CRELD1: variants seen among roughly 807,000 people sequenced by gnomAD.
CRELD1 encodes CRELD disulfide isomerase 1.
A neutral mutation model predicts 58.2 loss-of-function variants in CRELD1; 42 were observed. That is an observed-to-expected ratio of 0.72 (90% CI 0.56 to 0.93). The LOEUF (loss-of-function observed/expected upper bound fraction) is 0.93. Among genes scored for constraint, CRELD1 ranks in the 40% least tolerant of loss-of-function variants. CRELD1 has a pLI of 0.00. For synonymous variants in CRELD1, 222 were observed against 202.0 expected (o/e 1.10, Z -0.84); for missense variants, 500 against 540.6 (o/e 0.92, Z 0.74).
At chr3:9,940,744 G>T in intron 5 of CRELD1, 106 bp from the exon 6 acceptor site, 1 of 689,804 alleles carries the variant, frequency 1.4e-6, no homozygotes, top group African/African-American at 3.5e-5. Flanking sequence ...GAGGGGAGGG[G>T]GGGAGGGAGG....
At chr3:9,938,478 G>T in intron 5 of CRELD1, 1 of 233,190 alleles carries the variant, frequency 4.3e-6, no homozygotes, top group Non-Finnish European at 8.6e-6. Flanking sequence ...CACAAGAGCT[G>T]AACTTACTAC....
Position 9,940,990 on chromosome 3 carries a change from G to A in CRELD1, c.601G>A (p.Glu201Lys). ...ACGQCGLGYFEAERNASHLVC... is the reference protein window; with the variant it reads ...ACGQCGLGYFKAERNASHLVC... ...TGGCCAGTGTGGCCTTGGCTACTTTGAGGCAGAACGCAACGCCAGCCATCT... is the reference window on the plus strand; with the variant it reads ...TGGCCAGTGTGGCCTTGGCTACTTTAAGGCAGAACGCAACGCCAGCCATCT... The change falls in exon 6 of 11, where the codon GAG becomes AAG. Residue 201 changes from glutamate (E) to lysine (K), a missense_variant. Coordinates refer to ENST00000452070, the MANE Select transcript of CRELD1 (RefSeq NM_001077415.3). 6.2e-7 allele frequency: 1 copy of A among 1,614,156 alleles called. No homozygotes were observed. The highest frequency in any genetic ancestry group is 8.5e-7 in the Non-Finnish European group (1 of 1,180,028).
chr3:9,937,243 C>T (rs2085220694), intron 3 of CRELD1, among the ~76,000 whole-genome samples: 1 of 152,166 alleles, frequency 6.6e-6, no homozygotes, highest in South Asian at 2.1e-4. Flanking sequence ...CCATATCTAC[C>T]CAGCAAGGGT....
Position 9,944,575 on chromosome 3 carries a change from G to C in CRELD1, c.1259G>C (p.Arg420Thr). The part of the protein sequence containing the change: ...DRVLEGFIKG[R>T] ...GTGCTGGAGGGCTTCATCAAGGGCA[G>C]ATAATCGCGGCCACCACCTGTAGGA... Residue 420 changes from arginine to threonine, a missense_variant, in exon 11 of 11, where the codon AGA (arginine) becomes ACA (threonine). Transcript: ENST00000452070. 1 of 1,602,392 alleles carries C rather than the reference G, an allele frequency of 6.2e-7. No homozygotes were observed. Among genetic ancestry groups the C allele is most frequent in the South Asian group, 1.1e-5 (1 of 90,684 alleles).
chr3:9,942,076 C>G (rs1178820851), intron 7 of CRELD1, among the ~76,000 whole-genome samples: 1 of 151,954 alleles, frequency 6.6e-6, no homozygotes, highest in Non-Finnish European at 1.5e-5. Context: ...TCGAGACCAG[C>G]CTGGCCAACA....
rs769234290 is a variant in CRELD1 at position 9,943,466 on chromosome 3, C to T, written c.999C>T (p.Ala333=). 6.2e-6 allele frequency: 10 copies of T among 1,613,832 alleles called. No individual in the cohort carries two copies. Among genetic ancestry groups the T allele is most frequent in the South Asian group, 4.4e-5 (4 of 91,082 alleles). The change falls in exon 10 of 11, where the codon GCC becomes GCT. Residue 333 remains alanine (A), a synonymous_variant. Transcript: ENST00000452070. The part of the protein sequence containing the change: ...NTEGGYRCIC[A]EGYKQMEGIC... Reference sequence around the variant, plus strand: ...AGGGCGGTTATCGCTGCATCTGTGCCGAGGGCTACAAGCAGATGGAAGGCA... The same window carrying T: ...AGGGCGGTTATCGCTGCATCTGTGCTGAGGGCTACAAGCAGATGGAAGGCA...
chr3:9,944,224 G>A (rs1575654282), intron 10 of CRELD1, 141 bp from the exon 11 acceptor site: 1 of 844,238 alleles, frequency 1.2e-6, no homozygotes, highest in Non-Finnish European at 2.1e-6. Context: ...GGGTGGTTTT[G>A]AGCAGTAAAT....
chr3:9,934,729 C>G, intron 2 of CRELD1, 106 bp from the exon 3 acceptor site: 1 of 1,499,054 alleles, frequency 6.7e-7, no homozygotes, highest in Non-Finnish European at 9.2e-7. Context: ...TTGTATGGCC[C>G]TAGGCAGGTT....
At position 9,944,096 on chromosome 3, in the gene CRELD1, G is replaced by A. The variant is rs768335165; in HGVS notation, c.1049-269G>A. The A allele has an allele frequency of 2.5e-5, 20 of 791,764 alleles. No individual in the cohort carries two copies. Among genetic ancestry groups the A allele is most frequent in the South Asian group, 6.7e-5 (5 of 74,832 alleles). 49.0% of individuals were successfully genotyped at this position (791,764 alleles called of 1,614,324 possible). A position where few individuals can be genotyped will look rare whatever the true frequency, so the allele number is the denominator to read the frequency against. On this transcript the variant is annotated intron_variant, in intron 10 of 10. Transcript: ENST00000452070. ...TGACCGTGGAACGAGACTCATACAC[G>A]TAATAAATGCTCTGCCCCCAACTTG... is the stretch of plus-strand genomic sequence containing the variant.
intron 10 of CRELD1, chr3:9,944,123 C>A: frequency 1.3e-6 from 1 of 788,510 alleles, no homozygotes; most frequent in Non-Finnish European, 2.3e-6. Context: ...CCCAACTTGT[C>A]CACCACATGG....
In CRELD1 at chr3:9,941,182, G is replaced by A; in HGVS notation, c.709G>A (p.Ala237Thr). Residue 237 changes from alanine (A) to threonine (T), a missense_variant, in exon 7 of 11, where the codon GCC (alanine) becomes ACC (threonine). Transcript: ENST00000452070. ...SNCLQCKKGW[A>T]LHHLKCVDID... is the part of the protein sequence containing the mutation. ...CTGTTTGCAATGCAAGAAGGGCTGG[G>A]CCCTGCATCACCTCAAGTGTGTAGG... 3 of 1,614,100 alleles carry A rather than the reference G, an allele frequency of 1.9e-6. No homozygotes were observed. The highest frequency in any genetic ancestry group is 1.1e-5 in the South Asian group (1 of 91,062).
chr3:9,934,049 C>G, intron 1 of CRELD1, 129 bp downstream of exon 1: 1 of 333,700 alleles, frequency 3.0e-6, no homozygotes, highest in Non-Finnish European at 5.6e-6. Context: ...GACACCTCCC[C>G]CAAGACAACC....
chr3:9,943,817 G>A (rs1462985772), intron 10 of CRELD1: 18 of 1,612,318 alleles, frequency 1.1e-5, no homozygotes, highest in South Asian at 4.4e-5. Flanking sequence ...GTCCTAGGCC[G>A]GGGGTGTGGT....
At chr3:9,941,351 C>T in intron 7 of CRELD1, 145 bp downstream of exon 7, 1 of 656,662 alleles carries the variant, frequency 1.5e-6, no homozygotes, top group Non-Finnish European at 2.6e-6. Context: ...GAAAAGTAAC[C>T]AGATACTTAC....
At position 9,942,835 on chromosome 3, in the gene CRELD1, G is replaced by A. The variant is rs2124858580; in HGVS notation, c.756G>A (p.Glu252=). The A allele has an allele frequency of 6.2e-7, 1 of 1,613,984 alleles. No homozygotes were observed. The highest frequency in any genetic ancestry group is 8.5e-7 in the Non-Finnish European group (1 of 1,179,854). Residue 252 remains glutamate, a synonymous_variant, in exon 8 of 11, where the codon GAG becomes GAA. Coordinates refer to ENST00000452070, the MANE Select transcript of CRELD1 (RefSeq NM_001077415.3). ...KCVDIDECGT[E]GANCGADQFC... ...CAGACATTGATGAGTGTGGCACAGA[G>A]GGAGCCAACTGTGGAGCTGACCAAT...
At chr3:9,936,539 GTA>G (rs1277382900) in intron 3 of CRELD1, among the ~76,000 whole-genome samples, 1 of 129,964 alleles carries the variant, frequency 7.7e-6, no homozygotes, top group Admixed American at 7.3e-5. Flanking sequence ...ATATATGTGC[GTA>G]TATATATGCG....
In CRELD1 at chr3:9,941,015, T is replaced by C; in HGVS notation, c.626T>C (p.Leu209Pro). The C allele has an allele frequency of 6.2e-7, 1 of 1,614,188 alleles. No individual in the cohort carries two copies. The highest frequency in any genetic ancestry group is 1.3e-5 in the African/African-American group (1 of 75,046). ...YFEAERNASHLVCSACFGPCA... is the reference protein window; with the variant it reads ...YFEAERNASHPVCSACFGPCA... The stretch of plus-strand genomic sequence containing the variant: ...GAGGCAGAACGCAACGCCAGCCATC[T>C]GGTATGTTCGGGTAGGTAGCCAAAA... Residue 209 changes from leucine to proline, a missense_variant, in exon 6 of 11, where the codon CTG becomes CCG. Physicochemically the swap from Leu to Pro is moderately conservative, Grantham distance 98. Coordinates refer to ENST00000452070, the MANE Select transcript of CRELD1 (RefSeq NM_001077415.3).
Position 9,944,604 on chromosome 3 carries a change from C to T in CRELD1, c.*25C>T, listed in dbSNP as rs573746053. On this transcript the variant is annotated 3_prime_UTR_variant, in exon 11 of 11. Transcript: ENST00000452070. The stretch of plus-strand genomic sequence containing the variant: ...ATCGCGGCCACCACCTGTAGGACCT[C>T]CTCCCACCCACGCTGCCCCCAGAGC... The T allele has an allele frequency of 6.4e-7, 1 of 1,574,090 alleles. No homozygotes were observed. Among genetic ancestry groups the T allele is most frequent in the South Asian group, 1.1e-5 (1 of 88,804 alleles).
At chr3:9,944,191 A>G in intron 10 of CRELD1, 174 bp from the exon 11 acceptor site, 1 of 793,376 alleles carries the variant, frequency 1.3e-6, no homozygotes, top group East Asian at 2.4e-5. Flanking sequence ...TTAGTGAGAC[A>G]GGGATGGTAA....
Sources: allele counts gnomAD v4.1 joint callset (sites outside exome capture counted in the v4.1 genomes callset), GRCh38; gene constraint gnomAD v4.1.1; transcripts MANE v1.5; gene names NCBI Gene and HGNC (gene_info 2026-07-23, HGNC 2026-07-21).